The following C8orf34 variants were observed in gnomAD, a reference collection of about 807,000 sequenced individuals.
The protein encoded by C8orf34 is chromosome 8 open reading frame 34, also known as uncharacterized protein C8orf34.
Under a neutral mutation model 68.3 loss-of-function variants are expected in C8orf34, and 65 were observed. That is an observed-to-expected ratio of 0.95 (90% CI 0.78 to 1.17). C8orf34 has a LOEUF of 1.17. Among genes scored for constraint, C8orf34 ranks in the 50% most tolerant of loss-of-function variants. The pLI, the probability that C8orf34 is intolerant of heterozygous loss-of-function variation, is 0.00. For synonymous variants in C8orf34, 244 were observed against 241.2 expected, an observed-to-expected ratio of 1.01 and a Z score of -0.11; for missense variants, 664 against 655.4, an observed-to-expected ratio of 1.01 and a Z score of -0.14.
At chr8:68,519,470 C>A (rs1444779116) in intron 5 of C8orf34, among the ~76,000 whole-genome samples, 2 of 152,100 alleles carry the variant, frequency 1.3e-5, no homozygotes, top group African/African-American at 4.8e-5. Flanking sequence ...CAAAGCAGAG[C>A]CAGTTGAATT....
chr8:68,412,671 C>A lies in C8orf34; in HGVS notation c.328-26828C>A, dbSNP rs141773078. 8.5e-5 allele frequency among the ~76,000 whole-genome samples: 13 copies of A among 152,212 alleles called. No individual in the cohort carries two copies. In the East Asian group the frequency reaches 2.5e-3, roughly 29 times the overall value. On this transcript the variant is annotated intron_variant, in intron 1 of 13. Transcript: ENST00000518698. ...TCTTTATTGAACTCCTCTTATACAG[C>A]GATTTTTACCTTATTTCCTGTCTCA...
chr8:68,689,959 A>G (rs1185223000), intron 8 of C8orf34, among the ~76,000 whole-genome samples: 1 of 152,024 alleles, frequency 6.6e-6, no homozygotes, highest in African/African-American at 2.4e-5. Context: ...CCCAATTGCT[A>G]CTGTGCAATG....
At chr8:68,763,901 G>A (rs757617818) in intron 10 of C8orf34, among the ~76,000 whole-genome samples, 6 of 152,154 alleles carry the variant, frequency 3.9e-5, no homozygotes, top group Admixed American at 3.3e-4. Context: ...CCTCCCCATG[G>A]ATGAGGAGTC....
chr8:68,391,385 C>G (rs1808473623), intron 1 of C8orf34, among the ~76,000 whole-genome samples: 1 of 151,958 alleles, frequency 6.6e-6, no homozygotes, highest in Non-Finnish European at 1.5e-5. Flanking sequence ...AGCTCAGATC[C>G]CAAGGCTATA....
At chr8:68,368,249 A>G (rs1807401784) in intron 1 of C8orf34, among the ~76,000 whole-genome samples, 1 of 152,184 alleles carries the variant, frequency 6.6e-6, no homozygotes, top group Admixed American at 6.5e-5. Flanking sequence ...GAACCATGCT[A>G]TATTCCCTTA....
chr8:68,587,345 C>T (rs1437125377), intron 7 of C8orf34, among the ~76,000 whole-genome samples: 1 of 152,034 alleles, frequency 6.6e-6, no homozygotes, highest in Non-Finnish European at 1.5e-5. Flanking sequence ...TAAATAAATT[C>T]AATGCAAATA....
intron 12 of C8orf34, among the ~76,000 whole-genome samples, chr8:68,810,594 T>C (rs1824619649): frequency 6.6e-6 from 1 of 152,098 alleles, no homozygotes; most frequent in Non-Finnish European, 1.5e-5. Flanking sequence ...TCCTGCTGTT[T>C]GGGGGGTTGC....
intron 1 of C8orf34, among the ~76,000 whole-genome samples, chr8:68,355,236 C>G (rs921248008): frequency 6.6e-5 from 10 of 152,034 alleles, no homozygotes; most frequent in Non-Finnish European, 1.2e-4. Context: ...AACCCCCCTG[C>G]CCCACCACCA....
intron 7 of C8orf34, among the ~76,000 whole-genome samples, chr8:68,601,372 T>C (rs1817693030): frequency 6.6e-6 from 1 of 152,060 alleles, no homozygotes; most frequent in African/African-American, 2.4e-5. Flanking sequence ...TGTTAACTTT[T>C]TTGTGATTGT....
rs11775024 is a variant in C8orf34, at chr8:68,615,478, T to C, written c.1106-24898T>C. 3.1e-3 allele frequency among the ~76,000 whole-genome samples: 477 copies of C among 152,322 alleles called. 1 individual carries two copies. Among genetic ancestry groups the C allele is most frequent in the Middle Eastern group, 6.8e-3 (2 of 294 alleles). ...AGATACGTCCCATCAATACCTAATTTATTGAGAGTTTTTAGCATGAAGGGT... is the reference window on the plus strand; with the variant it reads ...AGATACGTCCCATCAATACCTAATTCATTGAGAGTTTTTAGCATGAAGGGT... On this transcript the variant is annotated intron_variant, in intron 7 of 13. Coordinates refer to ENST00000518698, the MANE Select transcript of C8orf34 (RefSeq NM_052958.4).
intron 3 of C8orf34, among the ~76,000 whole-genome samples, chr8:68,457,261 T>A (rs1029840663): frequency 6.6e-6 from 1 of 152,062 alleles, no homozygotes; most frequent in African/African-American, 2.4e-5. Flanking sequence ...ATAAACTACA[T>A]AAATATAAAA....
At chr8:68,644,200 G>A (rs186114352) in intron 8 of C8orf34, among the ~76,000 whole-genome samples, 94 of 152,318 alleles carry the variant, frequency 6.2e-4, no homozygotes, top group Admixed American at 3.1e-3. Context: ...CAAAAACCCA[G>A]TGAGATTTAG....
In C8orf34 at chr8:68,344,170, A is replaced by G. The variant is rs75406824; in HGVS notation, c.327+12831A>G. Reference sequence around the variant, plus strand: ...TAGTAAAAAAACTAGGAACAACCCAAATATGGCTGAATCATTAAACAAATG... The same window carrying G: ...TAGTAAAAAAACTAGGAACAACCCAGATATGGCTGAATCATTAAACAAATG... On this transcript the variant is annotated intron_variant, in intron 1 of 13. Transcript: ENST00000518698. 7.9e-3 allele frequency among the ~76,000 whole-genome samples: 1,196 copies of G among 152,104 alleles called. 19 individuals carry two copies. The highest frequency in any genetic ancestry group is 0.026 in the African/African-American group (1,100 of 41,550).
At chr8:68,639,859 G>A (rs976077989) in intron 7 of C8orf34, among the ~76,000 whole-genome samples, 1 of 152,172 alleles carries the variant, frequency 6.6e-6, no homozygotes, top group African/African-American at 2.4e-5. Context: ...AGTGAAAAAG[G>A]GGAAGACATC....
intron 7 of C8orf34, among the ~76,000 whole-genome samples, chr8:68,613,124 C>A (rs569737764): frequency 6.6e-6 from 1 of 152,028 alleles, no homozygotes. Context: ...ACTGAACACA[C>A]ATAGCTGGTG....
At chr8:68,804,058 A>G (rs1824412517) in intron 12 of C8orf34, among the ~76,000 whole-genome samples, 1 of 152,204 alleles carries the variant, frequency 6.6e-6, no homozygotes, top group Non-Finnish European at 1.5e-5. Context: ...TCTTCAATGT[A>G]TCTGCAGTGG....
At chr8:68,386,596 A>G (rs1377505928) in intron 1 of C8orf34, among the ~76,000 whole-genome samples, 1 of 152,206 alleles carries the variant, frequency 6.6e-6, no homozygotes, top group South Asian at 2.1e-4. Context: ...TGTCTATGAC[A>G]TAAGAAGCTG....
chr8:68,339,636 TGCA>T (rs1256876557), intron 1 of C8orf34, among the ~76,000 whole-genome samples: 4 of 151,978 alleles, frequency 2.6e-5, no homozygotes, highest in Non-Finnish European at 5.9e-5. Flanking sequence ...GAAAAGGCAG[TGCA>T]GTATTGGTGT....
At chr8:68,336,095 GAAAA>G (rs57494049) in intron 1 of C8orf34, among the ~76,000 whole-genome samples, 4,021 of 151,048 alleles carry the variant, frequency 0.027, 94 homozygotes, top group Admixed American at 0.091. Context: ...ACAAAAAAAA[GAAAA>G]AAAATAGTAT....
Sources: gnomAD v4.1 joint callset for allele counts (sites outside exome capture counted in the v4.1 genomes callset) on GRCh38, gnomAD v4.1.1 for gene constraint, MANE v1.5 for transcripts, NCBI Gene and HGNC (gene_info 2026-07-23, HGNC 2026-07-21) for gene names.